ANKMY1: variants seen among roughly 807,000 people sequenced by gnomAD.
ANKMY1 encodes ankyrin repeat and MYND domain-containing protein 1.
ANKMY1 carries 98 observed loss-of-function variants against 102.0 expected under a neutral mutation model. The observed-to-expected ratio is 0.96, with a 90% CI of 0.82 to 1.14. The LOEUF (loss-of-function observed/expected upper bound fraction) is 1.14, where lower values mean the gene tolerates loss of function less well. Among genes scored for constraint, ANKMY1 ranks in the 50% most tolerant of loss-of-function variants. ANKMY1 has a pLI of 0.00. For missense variants in ANKMY1, 1,330 were observed against 1,347.6 expected (o/e 0.99, Z 0.20); for synonymous variants, 582 against 559.9 (o/e 1.04, Z -0.56).
At chr2:240,560,523 G>A, upstream of ANKMY1, 1 of 1,106,678 alleles carries the variant, frequency 9.0e-7, no homozygotes, top group Non-Finnish European at 1.2e-6. Context: ...CCGGCCCAGC[G>A]CCCGCGGGGG....
chr2:240,517,851 A>T (rs763298037), intron 9 of ANKMY1, among the ~76,000 whole-genome samples: 2 of 152,160 alleles, frequency 1.3e-5, no homozygotes, highest in African/African-American at 2.4e-5. Flanking sequence ...TTGTGTGGGT[A>T]ATCAGGCCAC....
intron 2 of ANKMY1, among the ~76,000 whole-genome samples, chr2:240,556,812 G>A (rs1471409615): frequency 6.6e-6 from 1 of 152,184 alleles, no homozygotes; most frequent in African/African-American, 2.4e-5. Flanking sequence ...CAAGCACGAT[G>A]GGGTGACAGG....
At chr2:240,522,088 A>C (rs890555484) in intron 8 of ANKMY1, 3 of 152,152 alleles carry the variant, frequency 2.0e-5, no homozygotes, top group Non-Finnish European at 4.4e-5. Flanking sequence ...CATCCTGCTG[A>C]CTGGTCCATT....
the ANKMY1 span, among the ~76,000 whole-genome samples, chr2:240,471,019 A>ACC: frequency 6.6e-6 from 1 of 151,942 alleles, no homozygotes; most frequent in African/African-American, 2.4e-5. Flanking sequence ...TGGAACTGGA[A>ACC]CCCCAGGTGA....
intron 2 of ANKMY1, chr2:240,555,336 G>A (rs1042515819): frequency 5.2e-5 from 23 of 444,550 alleles, no homozygotes; most frequent in East Asian, 4.4e-4. Context: ...TGTCCAGCCC[G>A]GGCCTGCTGG....
At chr2:240,478,251 C>T (rs1046953414), downstream of ANKMY1, among the ~76,000 whole-genome samples, 1 of 152,174 alleles carries the variant, frequency 6.6e-6, no homozygotes, top group Non-Finnish European at 1.5e-5. Flanking sequence ...ATACATTTTC[C>T]GGTCTCTGAT....
chr2:240,531,651 T>C (rs145922576), intron 4 of ANKMY1, among the ~76,000 whole-genome samples: 12 of 152,124 alleles, frequency 7.9e-5, no homozygotes, highest in East Asian at 1.9e-4. Context: ...CCCGGTAAAA[T>C]TGTATGTATA....
chr2:240,560,857 CGCGCGCGCCCGGCGTGGCAGAGCT>C (rs532600172), upstream of ANKMY1: 24,200 of 1,395,348 alleles, frequency 0.017, 249 homozygotes, highest in Non-Finnish European at 0.02. Context: ...CAGCCCGGCC[CGCGCGCGCCCGGCGTGGCAGAGCT>C]GCGCGTGCCC....
intron 2 of ANKMY1, among the ~76,000 whole-genome samples, chr2:240,556,328 C>T (rs61412453): frequency 0.023 from 3,429 of 152,258 alleles, 148 homozygotes; most frequent in African/African-American, 0.078. Flanking sequence ...ATGCCCAGAG[C>T]GAGATCCGCT....
At chr2:240,542,927 G>C (rs933363047) in intron 4 of ANKMY1, among the ~76,000 whole-genome samples, 9 of 149,068 alleles carry the variant, frequency 6.0e-5, no homozygotes, top group African/African-American at 2.0e-4. Context: ...TAAGTAATAA[G>C]TAATTACTTA....
rs1340816309 is a variant in ANKMY1 at position 240,557,905 on chromosome 2, C to T, written c.-42G>A. The T allele has an allele frequency of 2.0e-6, 2 of 985,588 alleles. No homozygotes were observed. The highest frequency in any genetic ancestry group is 2.4e-6 in the Non-Finnish European group (2 of 830,028). 61.1% of individuals were successfully genotyped at this position (985,588 alleles called of 1,614,324 possible). On this transcript the variant is annotated 5_prime_UTR_variant, in exon 1 of 18. Transcript: ENST00000401804. ...CCAAGCAAGACTCGAAGAGCTCGCG[C>T]CGGACAGCAGGGAGACCGACGGGAC...
rs1369468446 is a variant in ANKMY1 at position 240,499,497 on chromosome 2, T to A, written c.2806+461A>T. ...GTGTGGGTACATGGGGGAGTAGATG[T>A]CAGTAGGTACTGCGTTTGTGGAGTG... is the stretch of plus-strand genomic sequence containing the variant. On this transcript the variant is annotated intron_variant, in intron 15 of 17. Coordinates refer to ENST00000401804, the MANE Select transcript of ANKMY1 (RefSeq NM_001282771.3). This position sits in a 1 kb window ranked among gnomAD's most constrained non-coding sequence, Gnocchi z 4.2. Among the ~76,000 whole-genome samples the A allele has an allele frequency of 6.6e-6, 1 of 151,656 alleles. No individual in the cohort carries two copies. Among genetic ancestry groups the A allele is most frequent in the Non-Finnish European group, 1.5e-5 (1 of 67,864 alleles).
At chr2:240,560,940 T>C, upstream of ANKMY1, 1 of 1,534,292 alleles carries the variant, frequency 6.5e-7, no homozygotes, top group Non-Finnish European at 8.7e-7. Context: ...GGAGCCCACG[T>C]GCGCCGCCAT....
chr2:240,495,266 T>TC (rs2151965863), intron 15 of ANKMY1, among the ~76,000 whole-genome samples: 1 of 152,194 alleles, frequency 6.6e-6, no homozygotes, highest in African/African-American at 2.4e-5. Flanking sequence ...AGTCTCCCTT[T>TC]CCCCAGAGGA....
intron 15 of ANKMY1, among the ~76,000 whole-genome samples, chr2:240,487,712 TG>T (rs1248723705): frequency 3.9e-5 from 6 of 152,226 alleles, no homozygotes; most frequent in African/African-American, 1.2e-4. Context: ...GCTATTCTTT[TG>T]TTTTTTTTAG....
Position 240,529,034 on chromosome 2 carries a change from C to T in ANKMY1, c.953+3G>A, listed in dbSNP as rs1166532864. 6.2e-7 allele frequency: 1 copy of T among 1,613,432 alleles called. No individual in the cohort carries two copies. The highest frequency in any genetic ancestry group is 1.7e-5 in the Admixed American group (1 of 60,006). ...AGGGGAGGAGCAGTAGCAGACTAGT[C>T]ACCTGAACTTGTAAGTTTGCTTCTG... is the stretch of plus-strand genomic sequence containing the variant. On this transcript the variant is annotated splice_donor_region_variant and intron_variant, in intron 5 of 17. Coordinates refer to ENST00000401804, the MANE Select transcript of ANKMY1 (RefSeq NM_001282771.3). This position sits in a 1 kb window ranked among gnomAD's most constrained non-coding sequence, Gnocchi z 4.2.
downstream of ANKMY1, among the ~76,000 whole-genome samples, chr2:240,478,418 T>C (rs2075001923): frequency 1.3e-5 from 2 of 152,090 alleles, no homozygotes; most frequent in African/African-American, 4.8e-5. Context: ...CTAGCAGAGG[T>C]AGTGGAAGCC....
At chr2:240,527,078 G>C (rs2083637806) in intron 5 of ANKMY1, 1 of 787,142 alleles carries the variant, frequency 1.3e-6, no homozygotes, top group South Asian at 5.8e-5. Context: ...ATTGATGGAT[G>C]AATGGATGGG....
intron 12 of ANKMY1, 113 bp from the exon 13 acceptor site, chr2:240,507,804 C>T (rs889956198): frequency 1.6e-5 from 21 of 1,297,826 alleles, no homozygotes; most frequent in South Asian, 1.4e-4. Context: ...AGGGGCTTCA[C>T]GGAGGCCACC....
Sources: gnomAD v4.1 joint callset for allele counts (sites outside exome capture counted in the v4.1 genomes callset) on GRCh38, gnomAD v4.1.1 for gene constraint, Gnocchi (gnomAD v3.1) non-coding constraint, MANE v1.5 for transcripts, NCBI Gene and HGNC (gene_info 2026-07-23, HGNC 2026-07-21) for gene names.